The following ADORA1 variants were observed in gnomAD, a reference collection of about 807,000 sequenced individuals.
ADORA1 encodes adenosine A1 receptor.
A neutral mutation model predicts 19.9 loss-of-function variants in ADORA1; 6 were observed. The ratio of observed to expected loss-of-function variants is 0.30; its 90% CI spans 0.17 to 0.59. The LOEUF (loss-of-function observed/expected upper bound fraction) is 0.59. Among genes scored for constraint, ADORA1 ranks in the 20% least tolerant of loss-of-function variants. The probability of loss-of-function intolerance (pLI) is 0.87; values close to 1 mark genes in which losing one functional copy is unlikely to be tolerated. For synonymous variants in ADORA1, 194 were observed against 188.4 expected (o/e 1.03, Z -0.24); for missense variants, 302 against 439.2 (o/e 0.69, Z 2.79).
chr1:203,158,146 T>A (rs1421213818), intron 3 of ADORA1, among the ~76,000 whole-genome samples: 1 of 152,158 alleles, frequency 6.6e-6, no homozygotes, highest in Non-Finnish European at 1.5e-5. Context: ...CGATGATAAG[T>A]TTCATCTTTA....
At chr1:203,140,602 C>T (rs973236718) in intron 3 of ADORA1, among the ~76,000 whole-genome samples, 1 of 152,214 alleles carries the variant, frequency 6.6e-6, no homozygotes, top group Non-Finnish European at 1.5e-5. Context: ...TCTTACCTCA[C>T]ACAGCCTCAT....
intron 3 of ADORA1, among the ~76,000 whole-genome samples, chr1:203,143,675 C>T (rs1176319288): frequency 6.6e-6 from 1 of 152,208 alleles, no homozygotes; most frequent in African/African-American, 2.4e-5. Context: ...AGCCCCTGCC[C>T]CCAGTCCCTC....
intron 3 of ADORA1, among the ~76,000 whole-genome samples, chr1:203,162,474 A>C (rs1359715226): frequency 6.6e-6 from 1 of 152,050 alleles, no homozygotes; most frequent in East Asian, 1.9e-4. Context: ...CTCTCTCCAT[A>C]GGTCATCACT....
At position 203,129,299 on chromosome 1, in the gene ADORA1, C is replaced by T. The variant is rs540732022; in HGVS notation, c.341+117C>T. 2.6e-5 allele frequency: 38 copies of T among 1,466,864 alleles called. No individual in the cohort carries two copies. In the African/African-American group the frequency reaches 5.2e-4, roughly 20 times the overall value. 90.9% of individuals were successfully genotyped at this position (1,466,864 alleles called of 1,614,324 possible). ...CAAGTAAGCCAGATGTTCTTTGGGCCATCGTGCTCCAGTCCTCACTCTGCC... is the reference window on the plus strand; with the variant it reads ...CAAGTAAGCCAGATGTTCTTTGGGCTATCGTGCTCCAGTCCTCACTCTGCC... On this transcript the variant is annotated intron_variant, in intron 3 of 3. Transcript: ENST00000337894.
intron 3 of ADORA1, among the ~76,000 whole-genome samples, chr1:203,142,015 C>A (rs1281275075): frequency 6.6e-6 from 1 of 152,196 alleles, no homozygotes; most frequent in Non-Finnish European, 1.5e-5. Context: ...AATCCTAGTT[C>A]AGGCACTTAG....
chr1:203,151,817 CAT>C (rs1655046813), intron 3 of ADORA1, among the ~76,000 whole-genome samples: 1 of 151,984 alleles, frequency 6.6e-6, no homozygotes, highest in African/African-American at 2.4e-5. Flanking sequence ...TTCATTCATT[CAT>C]TCTTATACTC....
chr1:203,157,387 T>A (rs756307371), intron 3 of ADORA1, among the ~76,000 whole-genome samples: 9 of 152,240 alleles, frequency 5.9e-5, no homozygotes, highest in Non-Finnish European at 1.0e-4. Flanking sequence ...ATCTTAAGAT[T>A]CTAGAATAGC....
In ADORA1 at chr1:203,141,572, ATTTTT is replaced by A. The variant is rs56188119; in HGVS notation, c.341+12412_341+12416del. 1.5e-4 allele frequency among the ~76,000 whole-genome samples: 11 copies of A among 73,524 alleles called. No individual in the cohort carries two copies. The East Asian group carries it at 1.5e-3, about 10-fold the overall frequency. 48.2% of individuals were successfully genotyped at this position (73,524 alleles called of 152,430 possible). On this transcript the variant is annotated intron_variant, in intron 3 of 3. Transcript: ENST00000337894. ...TTTGAAAAAAGCTCCTCTAACCTGG[ATTTTT>A]TTTTTTTTTTTTTTTTTTTTTGAGG...
At chr1:203,163,943 A>G (rs2102768158) in intron 3 of ADORA1, among the ~76,000 whole-genome samples, 1 of 152,306 alleles carries the variant, frequency 6.6e-6, no homozygotes, top group Non-Finnish European at 1.5e-5. Context: ...CACTCCATCC[A>G]TTTCAGAAGC....
intron 3 of ADORA1, among the ~76,000 whole-genome samples, chr1:203,147,083 G>A (rs962701918): frequency 6.6e-6 from 1 of 152,222 alleles, no homozygotes; most frequent in African/African-American, 2.4e-5. Context: ...AACCATCCAA[G>A]TTGTAGCCGT....
intron 3 of ADORA1, among the ~76,000 whole-genome samples, chr1:203,144,516 C>A (rs1327882339): frequency 2.0e-5 from 3 of 152,192 alleles, no homozygotes; most frequent in African/African-American, 7.2e-5. Context: ...AATATATCCC[C>A]ATTTTCCACA....
At chr1:203,148,465 G>A (rs1654930191) in intron 3 of ADORA1, among the ~76,000 whole-genome samples, 1 of 152,218 alleles carries the variant, frequency 6.6e-6, no homozygotes, top group Non-Finnish European at 1.5e-5. Context: ...GTTCTGAGAG[G>A]TGATGTGATT....
At chr1:203,148,628 G>A (rs559011732) in intron 3 of ADORA1, among the ~76,000 whole-genome samples, 1 of 152,312 alleles carries the variant, frequency 6.6e-6, no homozygotes, top group African/African-American at 2.4e-5. Context: ...TGAGGAGGTT[G>A]GGAGGGGAGA....
chr1:203,135,877 T>TC (rs1308590309), intron 3 of ADORA1, among the ~76,000 whole-genome samples: 1 of 151,940 alleles, frequency 6.6e-6, no homozygotes, highest in Non-Finnish European at 1.5e-5. Flanking sequence ...ACACTGCAAA[T>TC]CCCCCGGGGG....
At chr1:203,134,722 G>T (rs1303758721) in intron 3 of ADORA1, among the ~76,000 whole-genome samples, 1 of 152,044 alleles carries the variant, frequency 6.6e-6, no homozygotes, top group African/African-American at 2.4e-5. Context: ...AATAAAGATG[G>T]TAAAATCACC....
chr1:203,131,666 C>T (rs1241562679), intron 3 of ADORA1, among the ~76,000 whole-genome samples: 4 of 152,212 alleles, frequency 2.6e-5, no homozygotes, highest in African/African-American at 9.6e-5. Context: ...GGAGAGGAGC[C>T]TTTCTCCTGA....
Position 203,141,995 on chromosome 1 carries a change from C to A in ADORA1, c.341+12813C>A, listed in dbSNP as rs189559833. 6.0e-4 allele frequency among the ~76,000 whole-genome samples: 91 copies of A among 152,328 alleles called. No individual in the cohort carries two copies. In the East Asian group the frequency reaches 0.014, roughly 24 times the overall value. On this transcript the variant is annotated intron_variant, in intron 3 of 3. Transcript: ENST00000337894. ...AGAGCAGTCTCCCCAGGCAGTCAGA[C>A]TGGAGTAAAAATCCTAGTTCAGGCA...
At position 203,128,828 on chromosome 1, in the gene ADORA1, A is replaced by G; in HGVS notation, c.-14A>G. ...TTGGTGCCCGTCTGCTGATGTGCCC[A>G]GCCTGTGCCCGCCATGCCGCCCTCC... On this transcript the variant is annotated 5_prime_UTR_variant, in exon 3 of 4. Coordinates refer to ENST00000337894, the MANE Select transcript of ADORA1 (RefSeq NM_000674.3). The surrounding 1 kb of genome is among the most constrained non-coding windows in gnomAD (Gnocchi z 5.9). 6.3e-7 allele frequency: 1 copy of G among 1,578,908 alleles called. No individual in the cohort carries two copies. The highest frequency in any genetic ancestry group is 1.2e-5 in the South Asian group (1 of 86,190).
chr1:203,131,377 C>T (rs1654326401), intron 3 of ADORA1, among the ~76,000 whole-genome samples: 1 of 152,204 alleles, frequency 6.6e-6, no homozygotes, highest in Non-Finnish European at 1.5e-5. Flanking sequence ...AAGGCAGCAT[C>T]CACATCTTAT....
Sources: gnomAD v4.1 joint callset for allele counts (sites outside exome capture counted in the v4.1 genomes callset) on GRCh38, gnomAD v4.1.1 for gene constraint, Gnocchi (gnomAD v3.1) non-coding constraint, MANE v1.5 for transcripts, NCBI Gene and HGNC (gene_info 2026-07-23, HGNC 2026-07-21) for gene names.